TMUB2: variants seen among roughly 807,000 people sequenced by gnomAD.
TMUB2 encodes transmembrane and ubiquitin-like domain-containing protein 2.
Under a neutral mutation model 20.2 loss-of-function variants are expected in TMUB2, and 19 were observed. The ratio of observed to expected loss-of-function variants is 0.94; its 90% CI spans 0.66 to 1.38. The LOEUF is 1.38. TMUB2 is among the 40% of genes most tolerant of loss of function. TMUB2 has a pLI of 0.00. For synonymous variants in TMUB2, 186 were observed against 166.0 expected (o/e 1.12, Z -0.92); for missense variants, 426 against 402.5 (o/e 1.06, Z -0.50).
chr17:44,187,616 G>C (rs2054642171), intron 1 of TMUB2, 60 bp from the exon 2 acceptor site: 1 of 708,478 alleles, frequency 1.4e-6, no homozygotes, highest in Non-Finnish European at 2.6e-6. Flanking sequence ...CTTACCATCA[G>C]GGGTTAGTTG....
rs1197440259 is a variant in TMUB2, at chr17:44,190,898, C to T, written c.*34C>T. On this transcript the variant is annotated 3_prime_UTR_variant, in exon 4 of 4. Coordinates refer to ENST00000538716, the MANE Select transcript of TMUB2 (RefSeq NM_001076674.3). ...GAAGAAAATGAAAGGCATGGTCTTTCTCCTTTACGGCCTCCCCACTTTTCC... is the reference window on the plus strand; with the variant it reads ...GAAGAAAATGAAAGGCATGGTCTTTTTCCTTTACGGCCTCCCCACTTTTCC... 36 of 1,566,600 alleles carry T rather than the reference C, an allele frequency of 2.3e-5. No individual in the cohort carries two copies. The highest frequency in any genetic ancestry group is 6.8e-5 in the African/African-American group (5 of 73,664).
At chr17:44,190,194 T>C (rs74644652) in intron 3 of TMUB2, 1 of 215,680 alleles carries the variant, frequency 4.6e-6, no homozygotes, top group Non-Finnish European at 9.0e-6. Context: ...AAAAAAAAAA[T>C]ACAAAAATTA....
Position 44,187,733 on chromosome 17 carries a change from A to T in TMUB2, c.25A>T (p.Asn9Tyr). MISRHLQN[N>Y]LMSVDPASSQ... ...GATGATTTCACGTCATCTTCAAAAC[A>T]ACCTCATGAGGTAGGTACTGTTTTT... is the stretch of plus-strand genomic sequence containing the variant. Residue 9 changes from asparagine to tyrosine, a missense_variant, in exon 2 of 4, where the codon AAC (asparagine) becomes TAC (tyrosine). Asn to Tyr is a moderately radical substitution (Grantham distance 143, BLOSUM62 -2). Transcript: ENST00000538716. The T allele has an allele frequency of 2.8e-6, 2 of 718,622 alleles. No individual in the cohort carries two copies. Among genetic ancestry groups the T allele is most frequent in the Non-Finnish European group, 5.2e-6 (2 of 385,080 alleles). The allele number at this position is 718,622 out of a possible 1,614,324, so 44.5% of individuals were successfully genotyped here. A position where few individuals can be genotyped will look rare whatever the true frequency, so the allele number is the denominator to read the frequency against.
chr17:44,188,982 C>T (rs1321409137), intron 2 of TMUB2, 40 bp from the exon 3 acceptor site: 1 of 1,574,200 alleles, frequency 6.4e-7, no homozygotes, highest in South Asian at 1.2e-5. Flanking sequence ...GGTTGCAACC[C>T]CTCAGGCTCT....
chr17:44,189,686 G>A (rs1033471251), intron 3 of TMUB2, 98 bp downstream of exon 3: 4 of 1,167,380 alleles, frequency 3.4e-6, no homozygotes, highest in East Asian at 2.5e-5. Flanking sequence ...GCAGCAAAGT[G>A]TAAGATCCAG....
chr17:44,189,635 C>T (rs772587473), intron 3 of TMUB2, 47 bp downstream of exon 3: 64 of 1,503,932 alleles, frequency 4.3e-5, no homozygotes, highest in Non-Finnish European at 5.6e-5. Flanking sequence ...ATCCCCCAGC[C>T]CTTGGTTGCC....
At chr17:44,190,306 G>A (rs1468601063) in intron 3 of TMUB2, 195 bp from the exon 4 acceptor site, 51 of 528,520 alleles carry the variant, frequency 9.6e-5, no homozygotes, top group Non-Finnish European at 1.4e-4. Context: ...AGCCGAGATC[G>A]CGCCACTGCA....
At chr17:44,187,603 C>G (rs1403315404) in intron 1 of TMUB2, 73 bp from the exon 2 acceptor site, 1 of 704,784 alleles carries the variant, frequency 1.4e-6, no homozygotes, top group Non-Finnish European at 2.7e-6. Flanking sequence ...TAACATTAAC[C>G]TTCTTACCAT....
At chr17:44,190,388 A>G in intron 3 of TMUB2, 113 bp from the exon 4 acceptor site, 1 of 1,191,282 alleles carries the variant, frequency 8.4e-7, no homozygotes, top group Non-Finnish European at 1.1e-6. Flanking sequence ...AGATGAGGGA[A>G]AAAAAAATCC....
intron 3 of TMUB2, chr17:44,189,892 T>G (rs974787236): frequency 1.4e-5 from 3 of 216,914 alleles, no homozygotes; most frequent in Non-Finnish European, 1.8e-5. Flanking sequence ...ACGCCTGCAA[T>G]CCCAGCTACT....
At position 44,190,496 on chromosome 17, in the gene TMUB2, T is replaced by TA. The variant is rs2055374629; in HGVS notation, c.603-4dup. 2.5e-6 allele frequency: 4 copies of TA among 1,589,314 alleles called. No homozygotes were observed. The highest frequency in any genetic ancestry group is 2.2e-5 in the East Asian group (1 of 44,654). On this transcript the variant is annotated splice_region_variant and splice_polypyrimidine_tract_variant and intron_variant, in intron 3 of 3. Coordinates refer to ENST00000538716, the MANE Select transcript of TMUB2 (RefSeq NM_001076674.3). ...TCTTTTCTTCCATGTCTTTCATCCT[T>TA]ACAGCAAATACTTCCCTGGACAAGA...
At chr17:44,189,770 T>A in intron 3 of TMUB2, 182 bp downstream of exon 3, 1 of 544,806 alleles carries the variant, frequency 1.8e-6, no homozygotes, top group Non-Finnish European at 3.1e-6. Flanking sequence ...CCCGGGACTT[T>A]GGGAGGCCGA....
At chr17:44,187,916 T>A in intron 2 of TMUB2, 173 bp downstream of exon 2, 1 of 633,452 alleles carries the variant, frequency 1.6e-6, no homozygotes, top group African/African-American at 1.8e-5. Flanking sequence ...GATAATTCTT[T>A]GAGCAACTAC....
At chr17:44,187,410 C>T in intron 1 of TMUB2, 1 of 424,638 alleles carries the variant, frequency 2.4e-6, no homozygotes, top group East Asian at 4.2e-5. Flanking sequence ...GGTGCGGGAC[C>T]CCTCCTCACC....
In TMUB2 at chr17:44,190,627, AC is replaced by A; in HGVS notation, c.734del (p.Pro245GlnfsTer70). ...DNCVIHCHRSPPGSAVPGPSA... is the reference protein window; with the variant it reads ...DNCVIHCHRSXPGSAVPGPSA... Reference sequence around the variant, plus strand: ...ACTGTGTGATTCACTGCCACCGCTCACCCCCAGGGTCAGCTGTTCCAGGCCC... The same window carrying A: ...ACTGTGTGATTCACTGCCACCGCTCACCCCAGGGTCAGCTGTTCCAGGCCC... On this transcript the variant is annotated frameshift_variant, in exon 4 of 4. Transcript: ENST00000538716. LOFTEE classifies it high-confidence loss of function. 6.2e-7 allele frequency: 1 copy of A among 1,614,036 alleles called. No individual in the cohort carries two copies. The highest frequency in any genetic ancestry group is 1.7e-4 in the Middle Eastern group (1 of 6,060).
Position 44,191,060 on chromosome 17 carries a change from G to A in TMUB2, c.*196G>A. The A allele has an allele frequency of 7.2e-7, 1 of 1,386,174 alleles. No homozygotes were observed. The highest frequency in any genetic ancestry group is 9.3e-7 in the Non-Finnish European group (1 of 1,073,204). 85.9% of individuals were successfully genotyped at this position (1,386,174 alleles called of 1,614,324 possible). On this transcript the variant is annotated 3_prime_UTR_variant, in exon 4 of 4. Transcript: ENST00000538716. ...GAGTACAGATGTCCCTCCCGTGCGA[G>A]CACAACTCAGGTAGAAATGAGGATG...
rs2055493194 is a variant in TMUB2 at position 44,191,007 on chromosome 17, G to C, written c.*143G>C. On this transcript the variant is annotated 3_prime_UTR_variant, in exon 4 of 4. Coordinates refer to ENST00000538716, the MANE Select transcript of TMUB2 (RefSeq NM_001076674.3). ...CTCCTCCATAGGACACAGGAGGCAA[G>C]TATGCGGCCTCCCCTTCTCATCCAC... 2.0e-6 allele frequency: 3 copies of C among 1,474,956 alleles called. No homozygotes were observed. The highest frequency in any genetic ancestry group is 2.8e-5 in the South Asian group (2 of 71,378). The allele number at this position is 1,474,956 out of a possible 1,614,324, so 91.4% of individuals were successfully genotyped here. A position where few individuals can be genotyped will look rare whatever the true frequency, so the allele number is the denominator to read the frequency against.
intron 1 of TMUB2, chr17:44,187,415 C>T (rs1266426361): frequency 2.2e-6 from 1 of 451,016 alleles, no homozygotes; most frequent in East Asian, 3.9e-5. Context: ...GGGACCCCTC[C>T]TCACCGTGCG....
Position 44,190,683 on chromosome 17 carries a change from AG to A in TMUB2, c.786del (p.Glu262AspfsTer53). On this transcript the variant is annotated frameshift_variant, in exon 4 of 4. Transcript: ENST00000538716. LOFTEE classifies it high-confidence loss of function. ...PSASLAPSATEPPSLGVNVGS... is the reference protein window; with the variant it reads ...PSASLAPSATXPPSLGVNVGS... The stretch of plus-strand genomic sequence containing the variant: ...GCCTCCTTGGCCCCCTCGGCCACTG[AG>A]CCACCCAGCCTTGGTGTCAATGTGG... The A allele has an allele frequency of 1.2e-6, 2 of 1,614,130 alleles. No individual in the cohort carries two copies. Among genetic ancestry groups the A allele is most frequent in the Non-Finnish European group, 1.7e-6 (2 of 1,180,024 alleles).
Sources: gnomAD v4.1 joint callset for allele counts on GRCh38, gnomAD v4.1.1 for gene constraint, MANE v1.5 for transcripts, NCBI Gene and HGNC (gene_info 2026-07-23, HGNC 2026-07-21) for gene names.